APOL2: variants seen among roughly 807,000 people sequenced by gnomAD.
APOL2 encodes apolipoprotein L, 2.
Under a neutral mutation model 7.1 loss-of-function variants are expected in APOL2, and 8 were observed. The observed-to-expected ratio is 1.12, with a 90% confidence interval of 0.66 to 2.03. The LOEUF (loss-of-function observed/expected upper bound fraction) is 2.03. Ranked by LOEUF, APOL2 falls within the 30% of genes most tolerant of loss-of-function variation. The pLI is 0.00. For synonymous variants in APOL2, 177 were observed against 159.9 expected, an observed-to-expected ratio of 1.11 and a Z score of -0.81; for missense variants, 471 against 415.1, an observed-to-expected ratio of 1.13 and a Z score of -1.17.
rs1472376329 is a variant in APOL2 at position 36,231,358 on chromosome 22, G to C, written c.119C>G (p.Ala40Gly). 4.3e-6 allele frequency: 7 copies of C among 1,614,018 alleles called. No homozygotes were observed. Among genetic ancestry groups the C allele is most frequent in the Non-Finnish European group, 5.9e-6 (7 of 1,179,964 alleles). ...TDDEAWNGFV[A>G]AAELPRDEAD... ...AGCTTACCTGGGCAGTTCAGCAGCA[G>C]CCACGAATCCATTCCAGGCTTCATC... The change falls in exon 4 of 5, where the codon GCT becomes GGT. Residue 40 changes from alanine (A) to glycine (G), a missense_variant. Transcript: ENST00000358502.
chr22:36,239,499 TC>T lies in APOL2; in HGVS notation c.-193del. The T allele has an allele frequency of 6.3e-7, 1 of 1,586,072 alleles. No homozygotes were observed. On this transcript the variant is annotated 5_prime_UTR_variant, in exon 1 of 5. An upstream open reading frame in the 5' UTR loses its in-frame stop. Transcript: ENST00000358502. ...ATCCAACTGTTCTGAGCTGTGTGGATCCCACGTCCAGCTGTGCATCTGTGTA... is the reference window on the plus strand; with the variant it reads ...ATCCAACTGTTCTGAGCTGTGTGGATCCACGTCCAGCTGTGCATCTGTGTA...
chr22:36,238,470 CA>C (rs1414042666), intron 1 of APOL2, among the ~76,000 whole-genome samples: 1 of 151,338 alleles, frequency 6.6e-6, no homozygotes, highest in African/African-American at 2.4e-5. Flanking sequence ...GTGACTTGCC[CA>C]GAGTCACACA....
chr22:36,238,705 T>C (rs1392961172), intron 1 of APOL2, among the ~76,000 whole-genome samples: 1 of 152,224 alleles, frequency 6.6e-6, no homozygotes, highest in East Asian at 1.9e-4. Flanking sequence ...CATTCTGCAA[T>C]GCGACCTTCT....
rs1290245694 is a variant in APOL2 at position 36,236,453 on chromosome 22, G to A, written c.-134+2988C>T. ...CATAAAACTGGTGATACAATATTAGGAAAAGGTGGAGAGGAGAGATAGAGG... is the reference window on the plus strand; with the variant it reads ...CATAAAACTGGTGATACAATATTAGAAAAAGGTGGAGAGGAGAGATAGAGG... On this transcript the variant is annotated intron_variant, in intron 1 of 4. Transcript: ENST00000358502. The A allele has an allele frequency of 7.4e-6, 5 of 674,486 alleles. No individual in the cohort carries two copies. In the South Asian group the frequency reaches 2.6e-4, roughly 36 times the overall value. 41.8% of individuals were successfully genotyped at this position (674,486 alleles called of 1,614,324 possible).
intron 1 of APOL2, chr22:36,239,229 C>CCA: frequency 7.4e-7 from 1 of 1,346,646 alleles, no homozygotes; most frequent in South Asian, 2.0e-5. Flanking sequence ...GTTTTCCCCA[C>CCA]CTCTCTCTAC....
intron 1 of APOL2, among the ~76,000 whole-genome samples, chr22:36,238,185 C>T (rs1205018741): frequency 6.6e-6 from 1 of 152,224 alleles, no homozygotes; most frequent in African/African-American, 2.4e-5. Flanking sequence ...TGCCCTCCGC[C>T]CTCCCTGGCA....
Position 36,239,425 on chromosome 22 carries a change from A to T in APOL2, c.-134+16T>A. ...GAATAAGGACATGGGGGTAGATCACACTATCCCCAACTTACCAAGGGATCT... is the reference window on the plus strand; with the variant it reads ...GAATAAGGACATGGGGGTAGATCACTCTATCCCCAACTTACCAAGGGATCT... On this transcript the variant is annotated intron_variant, in intron 1 of 4. Transcript: ENST00000358502. The T allele has an allele frequency of 1.3e-6, 2 of 1,538,284 alleles. No homozygotes were observed. Among genetic ancestry groups the T allele is most frequent in the Non-Finnish European group, 1.7e-6 (2 of 1,146,386 alleles).
At chr22:36,232,732 G>A (rs1229719294) in intron 3 of APOL2, among the ~76,000 whole-genome samples, 3 of 152,052 alleles carry the variant, frequency 2.0e-5, no homozygotes, top group South Asian at 2.1e-4. Flanking sequence ...GGAGGGGACC[G>A]GCCTGTGCTG....
chr22:36,227,540 T>C lies in APOL2; in HGVS notation c.878A>G (p.Tyr293Cys), dbSNP rs1233036641. 3 of 1,614,200 alleles carry C rather than the reference T, an allele frequency of 1.9e-6. No individual in the cohort carries two copies. The highest frequency in any genetic ancestry group is 1.3e-5 in the African/African-American group (1 of 75,050). Reference sequence around the variant, plus strand: ...CCCCTCAAGCAAGTGCTTTGACTCATATGCAAGGCTGACCACATCCAGCAG... The same window carrying C: ...CCCCTCAAGCAAGTGCTTTGACTCACATGCAAGGCTGACCACATCCAGCAG... The part of the protein sequence containing the change: ...LLLLDVVSLA[Y>C]ESKHLLEGAK... The change falls in exon 5 of 5, where the codon TAT becomes TGT. Residue 293 changes from tyrosine to cysteine, a missense_variant. Tyr to Cys is a radical substitution (Grantham distance 194). Transcript: ENST00000358502.
At position 36,239,492 on chromosome 22, in the gene APOL2, G is replaced by GTGTGGATCCCACGTCCAGC; in HGVS notation, c.-204_-186dup. 1.3e-6 allele frequency: 2 copies of GTGTGGATCCCACGTCCAGC among 1,584,962 alleles called. No individual in the cohort carries two copies. The highest frequency in any genetic ancestry group is 1.7e-6 in the Non-Finnish European group (2 of 1,172,266). On this transcript the variant is annotated 5_prime_UTR_variant, in exon 1 of 5. It introduces an in-frame stop codon into an upstream open reading frame of the 5' UTR. Transcript: ENST00000358502. ...GAGCAAGATCCAACTGTTCTGAGCT[G>GTGTGGATCCCACGTCCAGC]TGTGGATCCCACGTCCAGCTGTGCA...
At chr22:36,239,211 T>C in intron 1 of APOL2, 1 of 1,334,162 alleles carries the variant, frequency 7.5e-7, no homozygotes. Flanking sequence ...TGTGAACCCA[T>C]CTAAGCTGTT....
upstream of APOL2, chr22:36,239,583 G>GAAAGTC: frequency 7.0e-7 from 1 of 1,422,172 alleles, no homozygotes; most frequent in East Asian, 2.4e-5. Context: ...AAGGGAAAGT[G>GAAAGTC]AAAGTCACAA....
rs775617620 is a variant in APOL2, at chr22:36,228,308, G to A, written c.138-28C>T. On this transcript the variant is annotated intron_variant, in intron 4 of 4. Transcript: ENST00000358502. ...GCACAAGGAAAGGTTAAAGGATTAA[G>A]AAATGCAGTTTCCCTATCTGTGAAA... The A allele has an allele frequency of 1.1e-5, 17 of 1,586,248 alleles. 1 individual carries two copies. In the South Asian group the frequency reaches 2.0e-4, roughly 18 times the overall value.
chr22:36,230,636 C>T (rs1026382058), intron 4 of APOL2, among the ~76,000 whole-genome samples: 2 of 152,166 alleles, frequency 1.3e-5, no homozygotes, highest in Non-Finnish European at 2.9e-5. Context: ...GGTTCCCCAC[C>T]TTTGACCTGG....
Position 36,239,422 on chromosome 22 carries a change from C to T in APOL2, c.-134+19G>A. On this transcript the variant is annotated intron_variant, in intron 1 of 4. Transcript: ENST00000358502. ...CAAGAATAAGGACATGGGGGTAGAT[C>T]ACACTATCCCCAACTTACCAAGGGA... 1 of 1,534,880 alleles carries T rather than the reference C, an allele frequency of 6.5e-7. No homozygotes were observed. Among genetic ancestry groups the T allele is most frequent in the Non-Finnish European group, 8.7e-7 (1 of 1,143,752 alleles).
chr22:36,239,038 C>A, intron 1 of APOL2: 1 of 887,872 alleles, frequency 1.1e-6, no homozygotes, highest in Non-Finnish European at 1.4e-6. Flanking sequence ...GGGTGTGGCC[C>A]GGCCACAAGG....
At position 36,233,247 on chromosome 22, in the gene APOL2, G is replaced by C. The variant is rs777062113; in HGVS notation, c.-79-6C>G. ...CTGGAAGGTTTTCCTTAACCCTTGA[G>C]AACGAGAAAACAAATTGTGGGATCG... On this transcript the variant is annotated splice_region_variant and splice_polypyrimidine_tract_variant and intron_variant, in intron 2 of 4. Transcript: ENST00000358502. 1 of 1,614,014 alleles carries C rather than the reference G, an allele frequency of 6.2e-7. No homozygotes were observed. Among genetic ancestry groups the C allele is most frequent in the Admixed American group, 1.7e-5 (1 of 60,018 alleles).
intron 1 of APOL2, chr22:36,239,225 C>T: frequency 7.4e-7 from 1 of 1,343,008 alleles, no homozygotes; most frequent in East Asian, 2.8e-5. Flanking sequence ...AGCTGTTTTC[C>T]CCACCTCTCT....
At chr22:36,234,920 A>G (rs369474272) in intron 1 of APOL2, among the ~76,000 whole-genome samples, 15 of 152,236 alleles carry the variant, frequency 9.9e-5, no homozygotes, top group African/African-American at 3.4e-4. Context: ...AGACGGACTC[A>G]AGAACTCACG....
Sources: allele counts gnomAD v4.1 joint callset (sites outside exome capture counted in the v4.1 genomes callset), GRCh38; gene constraint gnomAD v4.1.1; transcripts MANE v1.5; gene names NCBI Gene and HGNC (gene_info 2026-07-23, HGNC 2026-07-21).